Variants in AKT3 observed in about 807,000 individuals in gnomAD.
AKT3 encodes AKT serine/threonine kinase 3, also known as RAC-gamma serine/threonine-protein kinase.
A neutral mutation model predicts 65.3 loss-of-function variants in AKT3; 15 were observed. The ratio of observed to expected loss-of-function variants is 0.23; its 90% confidence interval spans 0.15 to 0.35. The LOEUF (loss-of-function observed/expected upper bound fraction) is 0.35. Among genes scored for constraint, AKT3 ranks in the 10% least tolerant of loss-of-function variants. AKT3 has a pLI of 1.00. For synonymous variants in AKT3, 206 were observed against 183.8 expected (o/e 1.12, Z -0.98); for missense variants, 243 against 576.5 (o/e 0.42, Z 5.92).
intron 4 of AKT3, among the ~76,000 whole-genome samples, chr1:243,646,645 G>A (rs571493424): frequency 3.3e-5 from 5 of 152,132 alleles, no homozygotes; most frequent in South Asian, 2.1e-4. Flanking sequence ...ATGAACCACC[G>A]CACTTGGCCA....
intron 2 of AKT3, among the ~76,000 whole-genome samples, chr1:243,745,455 G>A (rs1351225275): frequency 6.6e-6 from 1 of 152,208 alleles, no homozygotes; most frequent in Non-Finnish European, 1.5e-5. Flanking sequence ...ATTTAGAGAT[G>A]ATTTTGGTCA....
At chr1:243,666,181 T>C (rs1015995166) in intron 3 of AKT3, among the ~76,000 whole-genome samples, 1 of 152,098 alleles carries the variant, frequency 6.6e-6, no homozygotes, top group Non-Finnish European at 1.5e-5. Context: ...TTTTTCTAAT[T>C]TTAGTAGAGA....
At chr1:243,773,801 A>G (rs1451028727) in intron 2 of AKT3, among the ~76,000 whole-genome samples, 1 of 152,192 alleles carries the variant, frequency 6.6e-6, no homozygotes, top group Non-Finnish European at 1.5e-5. Flanking sequence ...TAAGGAGCAG[A>G]CTCAAAAAGT....
chr1:243,666,808 CA>C (rs774759438), intron 3 of AKT3, among the ~76,000 whole-genome samples: 1 of 152,100 alleles, frequency 6.6e-6, no homozygotes, highest in Non-Finnish European at 1.5e-5. Context: ...TAGAGTTGGA[CA>C]AAAATCATCC....
At chr1:243,768,624 C>A (rs1384416100) in intron 2 of AKT3, among the ~76,000 whole-genome samples, 2 of 152,056 alleles carry the variant, frequency 1.3e-5, no homozygotes, top group Non-Finnish European at 2.9e-5. Context: ...GATCACAGGT[C>A]AGGAGTTCGA....
At chr1:243,654,120 A>C (rs1266428619) in intron 4 of AKT3, among the ~76,000 whole-genome samples, 1 of 152,080 alleles carries the variant, frequency 6.6e-6, no homozygotes, top group Non-Finnish European at 1.5e-5. Flanking sequence ...TTAGCCTGGT[A>C]GCCATCATAC....
chr1:243,748,806 T>TTATA, intron 2 of AKT3, among the ~76,000 whole-genome samples: 1 of 152,292 alleles, frequency 6.6e-6, no homozygotes, highest in African/African-American at 2.4e-5. Flanking sequence ...AAATTGCCTG[T>TTATA]TTATACAGGT....
At chr1:243,627,276 T>A (rs558482850) in intron 6 of AKT3, among the ~76,000 whole-genome samples, 1 of 152,036 alleles carries the variant, frequency 6.6e-6, no homozygotes, top group East Asian at 1.9e-4. Context: ...GGAGGATCAC[T>A]TGAGTCCAGG....
chr1:243,745,429 C>A (rs866798916), intron 2 of AKT3, among the ~76,000 whole-genome samples: 2 of 152,180 alleles, frequency 1.3e-5, no homozygotes, highest in Admixed American at 6.5e-5. Flanking sequence ...TCAGAGCATA[C>A]TAAAAACATG....
chr1:243,563,606 G>T, intron 10 of AKT3, 114 bp downstream of exon 10: 1 of 1,325,778 alleles, frequency 7.5e-7, no homozygotes, highest in African/African-American at 1.5e-5. Context: ...TTTGATTCAG[G>T]TTGAAATATA....
At chr1:243,812,469 T>C (rs1299622018) in intron 2 of AKT3, among the ~76,000 whole-genome samples, 2 of 152,118 alleles carry the variant, frequency 1.3e-5, no homozygotes, top group Non-Finnish European at 2.9e-5. Context: ...AAAATCACAA[T>C]GTGATACCAT....
At chr1:243,697,959 A>C (rs1185045916) in intron 2 of AKT3, among the ~76,000 whole-genome samples, 1 of 149,190 alleles carries the variant, frequency 6.7e-6, no homozygotes, top group East Asian at 2.1e-4. Flanking sequence ...TAAGGGCAAA[A>C]AAGAAATTTA....
intron 2 of AKT3, among the ~76,000 whole-genome samples, chr1:243,767,797 T>C (rs1203654025): frequency 6.6e-6 from 1 of 152,134 alleles, no homozygotes; most frequent in Non-Finnish European, 1.5e-5. Flanking sequence ...TATACTTGCC[T>C]CTACTTTGGT....
chr1:243,613,076 T>TATACAC (rs1553415157), intron 8 of AKT3: 11 of 89,544 alleles, frequency 1.2e-4, no homozygotes, highest in African/African-American at 3.6e-4. Context: ...TATATATATA[T>TATACAC]ACACACACAC....
chr1:243,810,071 G>A (rs1260435126), intron 2 of AKT3, among the ~76,000 whole-genome samples: 1 of 152,198 alleles, frequency 6.6e-6, no homozygotes, highest in Non-Finnish European at 1.5e-5. Context: ...ATGCCCACAA[G>A]AGAAAGCAGG....
intron 2 of AKT3, among the ~76,000 whole-genome samples, chr1:243,743,989 C>T (rs1688323224): frequency 6.6e-6 from 1 of 152,248 alleles, no homozygotes; most frequent in Non-Finnish European, 1.5e-5. Flanking sequence ...TATGATCCAG[C>T]AGCCCCACTT....
chr1:243,783,880 C>A (rs552692737), intron 2 of AKT3, among the ~76,000 whole-genome samples: 1 of 152,158 alleles, frequency 6.6e-6, no homozygotes, highest in South Asian at 2.1e-4. Context: ...TATAAATAAA[C>A]CCATGGGAAA....
downstream of AKT3, among the ~76,000 whole-genome samples, chr1:243,498,867 G>GC (rs1466991699): frequency 6.6e-6 from 1 of 152,226 alleles, no homozygotes; most frequent in Admixed American, 6.5e-5. Context: ...TGGGCCCCTG[G>GC]CCCTGCAGTG....
intron 2 of AKT3, among the ~76,000 whole-genome samples, chr1:243,805,463 ATTGCTCTCC>A (rs1305660049): frequency 6.6e-6 from 1 of 152,160 alleles, no homozygotes; most frequent in African/African-American, 2.4e-5. Flanking sequence ...TGCTCACTTT[ATTGCTCTCC>A]TACTTTTCAC....
Sources: allele counts gnomAD v4.1 joint callset (sites outside exome capture counted in the v4.1 genomes callset), GRCh38; gene constraint gnomAD v4.1.1; transcripts MANE v1.5; gene names NCBI Gene and HGNC (gene_info 2026-07-23, HGNC 2026-07-21).